The following MBTPS1 variants were observed in gnomAD, a reference collection of about 807,000 sequenced individuals.
MBTPS1 encodes membrane bound transcription factor peptidase, site 1.
Under a neutral mutation model 127.8 loss-of-function variants are expected in MBTPS1, and 94 were observed. That is an observed-to-expected ratio of 0.74 (90% CI 0.62 to 0.87). MBTPS1 has a LOEUF of 0.87. MBTPS1 is among the 40% of genes least tolerant of loss of function. MBTPS1 has a pLI of 0.00. For missense variants in MBTPS1, 1,636 were observed against 1,353.2 expected (o/e 1.21, Z -3.28); for synonymous variants, 632 against 509.4 (o/e 1.24, Z -3.24).
intron 8 of MBTPS1, among the ~76,000 whole-genome samples, 189 bp downstream of exon 8, chr16:84,090,685 AG>A (rs2151162043): frequency 6.6e-6 from 1 of 152,334 alleles, no homozygotes; most frequent in African/African-American, 2.4e-5. Flanking sequence ...ACAACTGCTG[AG>A]GTGAGTGGTG....
At position 84,101,611 on chromosome 16, in the gene MBTPS1, A is replaced by G; in HGVS notation, c.163+10T>C. On this transcript the variant is annotated intron_variant, in intron 2 of 22. Coordinates refer to ENST00000343411, the MANE Select transcript of MBTPS1 (RefSeq NM_003791.4). ...ATGGGAGTTCCTAATACTTAAGACA[A>G]CATCATTACCATATTCCACAACTGT... is the stretch of plus-strand genomic sequence containing the variant. 1.2e-6 allele frequency: 2 copies of G among 1,602,260 alleles called. No individual in the cohort carries two copies. The highest frequency in any genetic ancestry group is 1.7e-6 in the Non-Finnish European group (2 of 1,172,764).
Position 84,095,785 on chromosome 16 carries a change from T to G in MBTPS1, c.442A>C (p.Asn148His). The G allele has an allele frequency of 6.2e-7, 1 of 1,613,892 alleles. No individual in the cohort carries two copies. Among genetic ancestry groups the G allele is most frequent in the South Asian group, 1.1e-5 (1 of 91,084 alleles). Residue 148 changes from asparagine (N) to histidine (H), a missense_variant, in exon 4 of 23, where the codon AAT (asparagine) becomes CAT (histidine). Physicochemically the swap from Asn to His is moderately conservative, Grantham distance 68 (BLOSUM62 1). Coordinates refer to ENST00000343411, the MANE Select transcript of MBTPS1 (RefSeq NM_003791.4). The stretch of plus-strand genomic sequence containing the variant: ...CACTTCTGGCTCCACCGGGTTTCAT[T>G]GCAGGGTACTGTGGGGTCAGCTACA... Reference protein sequence around the residue: ...YAESDPTVPCNETRWSQKWQS... With the variant: ...YAESDPTVPCHETRWSQKWQS...
At position 84,054,103 on chromosome 16, in the gene MBTPS1, G is replaced by A. The variant is rs981426518; in HGVS notation, c.*346C>T. Reference sequence around the variant, plus strand: ...CCTTTAACAAGCGTCTTTTAGCTTGGTCAGGGTTGTATCATTTGTTTGGAA... The same window carrying A: ...CCTTTAACAAGCGTCTTTTAGCTTGATCAGGGTTGTATCATTTGTTTGGAA... On this transcript the variant is annotated 3_prime_UTR_variant, in exon 23 of 23. Transcript: ENST00000343411. The A allele has an allele frequency of 2.1e-5, 4 of 191,748 alleles. No homozygotes were observed. Among genetic ancestry groups the A allele is most frequent in the Non-Finnish European group, 4.3e-5 (4 of 93,258 alleles). 11.9% of individuals were successfully genotyped at this position (191,748 alleles called of 1,614,324 possible).
intron 1 of MBTPS1, among the ~76,000 whole-genome samples, chr16:84,106,591 A>G (rs537643099): frequency 6.6e-6 from 1 of 152,214 alleles, no homozygotes; most frequent in Non-Finnish European, 1.5e-5. Context: ...AAATCTGAGG[A>G]AACCGGGAGA....
intron 7 of MBTPS1, among the ~76,000 whole-genome samples, 191 bp downstream of exon 7, chr16:84,091,541 C>G (rs936646329): frequency 6.6e-6 from 1 of 151,004 alleles, no homozygotes; most frequent in Admixed American, 6.6e-5. Context: ...TTATCAACAC[C>G]TACTCTGAGG....
At chr16:84,071,247 T>C (rs903088764) in intron 12 of MBTPS1, among the ~76,000 whole-genome samples, 1 of 152,214 alleles carries the variant, frequency 6.6e-6, no homozygotes, top group Non-Finnish European at 1.5e-5. Flanking sequence ...GAGGGAGGAC[T>C]GGCTCAGCTG....
At chr16:84,092,946 C>T (rs1458279861) in intron 6 of MBTPS1, among the ~76,000 whole-genome samples, 2 of 152,192 alleles carry the variant, frequency 1.3e-5, no homozygotes, top group Non-Finnish European at 2.9e-5. Flanking sequence ...AAAGAATCGT[C>T]GTAAGTAGTA....
intron 12 of MBTPS1, among the ~76,000 whole-genome samples, chr16:84,073,069 A>T (rs541190469): frequency 6.6e-6 from 1 of 152,352 alleles, no homozygotes; most frequent in Admixed American, 6.5e-5. Context: ...ATAGCAAACA[A>T]ATTATAATTT....
intron 9 of MBTPS1, chr16:84,086,304 A>C (rs977028010): frequency 1.3e-5 from 2 of 151,876 alleles, no homozygotes; most frequent in Admixed American, 6.5e-5. Flanking sequence ...ATGACATCTC[A>C]CCACAGTTCG....
chr16:84,103,013 G>A (rs1380498269), intron 1 of MBTPS1, among the ~76,000 whole-genome samples: 1 of 152,122 alleles, frequency 6.6e-6, no homozygotes, highest in African/African-American at 2.4e-5. Flanking sequence ...AAAGAAAAAT[G>A]TCACCTGAAT....
intron 14 of MBTPS1, among the ~76,000 whole-genome samples, chr16:84,069,428 T>C (rs1360905418): frequency 6.6e-6 from 1 of 151,818 alleles, no homozygotes; most frequent in Non-Finnish European, 1.5e-5. Context: ...GAATTTGTTT[T>C]AAGATTACCA....
chr16:84,061,024 G>T (rs1567472026), intron 19 of MBTPS1: 4 of 388,920 alleles, frequency 1.0e-5, no homozygotes, highest in Admixed American at 7.5e-5. Context: ...GCAGAAATGG[G>T]TCTGGCTGGT....
chr16:84,107,032 T>C (rs1482175541), intron 1 of MBTPS1, among the ~76,000 whole-genome samples: 2 of 152,108 alleles, frequency 1.3e-5, no homozygotes, highest in African/African-American at 2.4e-5. Flanking sequence ...GCTCTGAGCA[T>C]GTTCAATTTC....
chr16:84,067,183 TG>T (rs1285084411), intron 16 of MBTPS1, among the ~76,000 whole-genome samples: 2 of 152,084 alleles, frequency 1.3e-5, no homozygotes, highest in African/African-American at 4.8e-5. Context: ...TAACAGAGAG[TG>T]GAAAAGAATT....
intron 4 of MBTPS1, among the ~76,000 whole-genome samples, chr16:84,094,970 C>G (rs551543754): frequency 6.6e-6 from 1 of 152,088 alleles, no homozygotes; most frequent in Non-Finnish European, 1.5e-5. Flanking sequence ...ATTTAGAAGT[C>G]AAGGTAAAAA....
chr16:84,091,554 T>C (rs974314698), intron 7 of MBTPS1, among the ~76,000 whole-genome samples, 178 bp downstream of exon 7: 16 of 148,974 alleles, frequency 1.1e-4, no homozygotes, highest in Admixed American at 2.7e-4. Flanking sequence ...CTCTGAGGCC[T>C]CTAACCCACT....
chr16:84,113,208 C>G (rs1250721797), intron 1 of MBTPS1, among the ~76,000 whole-genome samples: 1 of 152,154 alleles, frequency 6.6e-6, no homozygotes, highest in African/African-American at 2.4e-5. Context: ...GGCTTATTAT[C>G]ATTTGTAATA....
rs755848997 is a variant in MBTPS1 at position 84,056,045 on chromosome 16, G to A, written c.2922C>T (p.Pro974=). The A allele has an allele frequency of 3.1e-6, 5 of 1,614,026 alleles. No individual in the cohort carries two copies. The East Asian group carries it at 6.7e-5, about 22-fold the overall frequency. ...NFRSNRPQVR[P]LSPGESGAWD... ...AGGCGCCGCTCTCTCCAGGGGACAAGGGCCTCACTTGAGGGCGATTCGATC... is the reference window on the plus strand; with the variant it reads ...AGGCGCCGCTCTCTCCAGGGGACAAAGGCCTCACTTGAGGGCGATTCGATC... Residue 974 remains proline, a synonymous_variant, in exon 22 of 23, where the codon CCC becomes CCT. Transcript: ENST00000343411.
intron 8 of MBTPS1, among the ~76,000 whole-genome samples, chr16:84,088,837 G>C (rs884492): frequency 6.6e-6 from 1 of 152,084 alleles, no homozygotes; most frequent in Admixed American, 6.5e-5. Flanking sequence ...CCCACCACAA[G>C]CTGGGCTGCC....
Sources: gnomAD v4.1 joint callset for allele counts (sites outside exome capture counted in the v4.1 genomes callset) on GRCh38, gnomAD v4.1.1 for gene constraint, MANE v1.5 for transcripts, NCBI Gene and HGNC (gene_info 2026-07-23, HGNC 2026-07-21) for gene names.